DHRSX: variants seen among roughly 807,000 people sequenced by gnomAD.
DHRSX encodes the protein dehydrogenase/reductase X-linked, also known as polyprenol dehydrogenase.
DHRSX carries 31 observed loss-of-function variants against 34.0 expected under a neutral mutation model. The ratio of observed to expected loss-of-function variants is 0.91; its 90% CI spans 0.69 to 1.23. The LOEUF (loss-of-function observed/expected upper bound fraction) is 1.23. Ranked by LOEUF, DHRSX falls within the 50% of genes most tolerant of loss-of-function variation. DHRSX has a pLI of 0.00. For missense variants in DHRSX, 414 were observed against 428.1 expected (o/e 0.97, Z 0.29); for synonymous variants, 201 against 183.8 (o/e 1.09, Z -0.76).
At chrX:2,396,039 G>T (rs940738229) in intron 3 of DHRSX, among the ~76,000 whole-genome samples, 4 of 152,106 alleles carry the variant, frequency 2.6e-5, no homozygotes, top group African/African-American at 9.7e-5. Flanking sequence ...GGGGCTCTCA[G>T]GAAGGGGCCT....
rs182972622 is a variant in DHRSX at position 2,421,859 on chromosome X, T to G, written c.217+3338A>C. 1.6e-3 allele frequency among the ~76,000 whole-genome samples: 237 copies of G among 152,320 alleles called. 2 individuals are homozygous for G. Among genetic ancestry groups the G allele is most frequent in the African/African-American group, 5.1e-3 (212 of 41,570 alleles). ...CACAGTTTTTATCGTATAGATGTAA[T>G]GCATACAATGATGTGGAGAGTTCAT... On this transcript the variant is annotated intron_variant, in intron 2 of 6. Coordinates refer to ENST00000334651, the MANE Select transcript of DHRSX (RefSeq NM_145177.3).
At chrX:2,232,098 CTTT>C (rs1403260167) in intron 6 of DHRSX, among the ~76,000 whole-genome samples, 1 of 148,974 alleles carries the variant, frequency 6.7e-6, no homozygotes, top group Non-Finnish European at 1.5e-5. Context: ...CCTCATCTTC[CTTT>C]TTCTCTCTCT....
In DHRSX at chrX:2,337,318, T is replaced by C. The variant is rs2042581454; in HGVS notation, c.287-45715A>G. Among the ~76,000 whole-genome samples, 3 of 152,156 alleles carry C rather than the reference T, an allele frequency of 2.0e-5. No individual in the cohort carries two copies. The South Asian group carries it at 6.2e-4, about 32-fold the overall frequency. On this transcript the variant is annotated intron_variant, in intron 3 of 6. Transcript: ENST00000334651. ...TTCATTCTATATTCTTTCACACGAG[T>C]AGTGTTGTTTGGCTCTGAGAAGCAC...
chrX:2,383,193 A>G (rs988765458), intron 3 of DHRSX, among the ~76,000 whole-genome samples: 1 of 151,288 alleles, frequency 6.6e-6, no homozygotes, highest in African/African-American at 2.4e-5. Context: ...CATGACCATC[A>G]CTATCACCAT....
intron 3 of DHRSX, among the ~76,000 whole-genome samples, chrX:2,370,781 C>T (rs2043048374): frequency 6.6e-6 from 1 of 152,064 alleles, no homozygotes; most frequent in African/African-American, 2.4e-5. Flanking sequence ...GGGTTTCTCT[C>T]CTCCTATCAG....
intron 3 of DHRSX, among the ~76,000 whole-genome samples, chrX:2,312,175 C>G (rs193083579): frequency 1.3e-5 from 2 of 152,068 alleles, no homozygotes; most frequent in Non-Finnish European, 2.9e-5. Context: ...TCTCCACCCC[C>G]GACCAAGCAT....
At chrX:2,275,343 C>CAAAAAAAA (rs768710073) in intron 4 of DHRSX, among the ~76,000 whole-genome samples, 19 of 127,320 alleles carry the variant, frequency 1.5e-4, no homozygotes, top group Middle Eastern at 4.1e-3. Flanking sequence ...ACTAAAAATA[C>CAAAAAAAA]AAAAAAAAAA....
chrX:2,396,329 C>G (rs1219836439), intron 3 of DHRSX, among the ~76,000 whole-genome samples: 2 of 151,046 alleles, frequency 1.3e-5, no homozygotes, highest in African/African-American at 4.9e-5. Context: ...TTTTGGAGAT[C>G]AGCATTCAAC....
intron 5 of DHRSX, among the ~76,000 whole-genome samples, chrX:2,243,865 G>C (rs1297716305): frequency 7.2e-6 from 1 of 138,448 alleles, no homozygotes; most frequent in African/African-American, 2.8e-5. Context: ...AGCCTCCCGG[G>C]TTCAAGCGAA....
At chrX:2,472,116 G>A (rs2044602211) in intron 1 of DHRSX, among the ~76,000 whole-genome samples, 1 of 149,452 alleles carries the variant, frequency 6.7e-6, no homozygotes, top group South Asian at 2.1e-4. Flanking sequence ...TTGCACTCCA[G>A]CCTGGGCAAC....
rs770971563 is a variant in DHRSX at position 2,320,232 on chromosome X, G to A, written c.287-28629C>T. On this transcript the variant is annotated intron_variant, in intron 3 of 6. Coordinates refer to ENST00000334651, the MANE Select transcript of DHRSX (RefSeq NM_145177.3). ...ACTTGCCCATTCATTTACATATTGCGCTGTTGTGGTAGCGATCATATGACC... is the reference window on the plus strand; with the variant it reads ...ACTTGCCCATTCATTTACATATTGCACTGTTGTGGTAGCGATCATATGACC... Among the ~76,000 whole-genome samples the A allele has an allele frequency of 1.0e-4, 15 of 149,824 alleles. No homozygotes were observed. In the South Asian group the frequency reaches 1.1e-3, roughly 11 times the overall value.
rs192169549 is a variant in DHRSX, at chrX:2,428,883, G to A, written c.110-3579C>T. On this transcript the variant is annotated intron_variant, in intron 1 of 6. Transcript: ENST00000334651. The stretch of plus-strand genomic sequence containing the variant: ...ATTCCTATGTTGAGAACATACAATC[G>A]CCAGGGTGATGGTATCAGGAGGTGG... Among the ~76,000 whole-genome samples, 351 of 152,036 alleles carry A rather than the reference G, an allele frequency of 2.3e-3. 1 individual carries two copies. The highest frequency in any genetic ancestry group is 7.8e-3 in the African/African-American group (323 of 41,468).
intron 3 of DHRSX, among the ~76,000 whole-genome samples, chrX:2,361,243 T>C (rs1181223812): frequency 6.6e-6 from 1 of 152,036 alleles, no homozygotes; most frequent in African/African-American, 2.4e-5. Flanking sequence ...CCTGAGTAGC[T>C]GGGACTACAG....
At chrX:2,349,680 C>CA (rs1327213765) in intron 3 of DHRSX, among the ~76,000 whole-genome samples, 2 of 151,698 alleles carry the variant, frequency 1.3e-5, no homozygotes, top group Non-Finnish European at 2.9e-5. Flanking sequence ...GAGTGACACT[C>CA]AGTCTCAAAG....
chrX:2,437,290 T>C (rs764735560), intron 1 of DHRSX, among the ~76,000 whole-genome samples: 51 of 151,470 alleles, frequency 3.4e-4, no homozygotes, highest in African/African-American at 1.0e-3. Flanking sequence ...TGAGCCACCA[T>C]GCCCGGACAC....
intron 3 of DHRSX, among the ~76,000 whole-genome samples, chrX:2,372,529 C>T (rs2043085094): frequency 6.6e-6 from 1 of 152,030 alleles, no homozygotes; most frequent in Admixed American, 6.6e-5. Context: ...CAGCGAAGCC[C>T]CAGAGACCCC....
chrX:2,371,394 C>CCCTTCTCACATTACCATAGACCCT (rs1569494730), intron 3 of DHRSX, among the ~76,000 whole-genome samples: 2 of 149,018 alleles, frequency 1.3e-5, no homozygotes, highest in Non-Finnish European at 3.0e-5. Flanking sequence ...CCACAGTCCC[C>CCCTTCTCACATTACCATAGACCCT]CCTTCTCACA....
chrX:2,240,659 A>G (rs1391502278), intron 6 of DHRSX, among the ~76,000 whole-genome samples: 2 of 152,014 alleles, frequency 1.3e-5, no homozygotes, highest in Non-Finnish European at 2.9e-5. Flanking sequence ...GCTCTTCCGA[A>G]AATTCCTCAA....
At chrX:2,429,542 G>C (rs2043891733) in intron 1 of DHRSX, among the ~76,000 whole-genome samples, 1 of 151,710 alleles carries the variant, frequency 6.6e-6, no homozygotes, top group African/African-American at 2.4e-5. Context: ...CGACCTCCTG[G>C]ACTCAAATGA....
Sources: allele counts gnomAD v4.1 joint callset (sites outside exome capture counted in the v4.1 genomes callset), GRCh38; gene constraint gnomAD v4.1.1; transcripts MANE v1.5; gene names NCBI Gene and HGNC (gene_info 2026-07-23, HGNC 2026-07-21).